ZNF578: variants seen among roughly 807,000 people sequenced by gnomAD.
ZNF578 encodes the protein zinc finger protein 578, also known as Putative chemokine-related protein B42.
ZNF578 carries 8 observed loss-of-function variants against 8.3 expected under a neutral mutation model. The observed-to-expected ratio is 0.96, with a 90% CI of 0.56 to 1.74. The LOEUF (loss-of-function observed/expected upper bound fraction) is 1.74. Among genes scored for constraint, ZNF578 ranks in the 40% most tolerant of loss-of-function variants. ZNF578 has a pLI of 0.00. For synonymous variants in ZNF578, 206 were observed against 232.2 expected (o/e 0.89, Z 1.03); for missense variants, 726 against 707.5 (o/e 1.03, Z -0.30).
intron 3 of ZNF578, among the ~76,000 whole-genome samples, chr19:52,494,473 G>C (rs1381802671): frequency 6.6e-6 from 1 of 152,212 alleles, no homozygotes; most frequent in Non-Finnish European, 1.5e-5. Flanking sequence ...CTCCAGCCTG[G>C]TCAAAAGAGC....
intron 3 of ZNF578, among the ~76,000 whole-genome samples, chr19:52,495,996 T>G (rs2059384652): frequency 6.6e-6 from 1 of 152,080 alleles, no homozygotes; most frequent in African/African-American, 2.4e-5. Context: ...TTCTAGTTCC[T>G]CCTCATTTAA....
At position 52,504,519 on chromosome 19, in the gene ZNF578, C is replaced by G. The variant is rs1228603401; in HGVS notation, c.64-136C>G. ...AATGCAACTATTGAGAAAAAAAATT[C>G]AAAAATACCTTAACGTGGTTTTGTC... is the stretch of plus-strand genomic sequence containing the variant. On this transcript the variant is annotated intron_variant, in intron 4 of 5. Transcript: ENST00000421239. 2.7e-5 allele frequency: 41 copies of G among 1,513,882 alleles called. No individual in the cohort carries two copies. In the Admixed American group the frequency reaches 4.3e-4, roughly 16 times the overall value. 93.8% of individuals were successfully genotyped at this position (1,513,882 alleles called of 1,614,324 possible).
intron 2 of ZNF578, chr19:52,474,664 C>A (rs2059302431): frequency 3.3e-6 from 1 of 304,360 alleles, no homozygotes; most frequent in African/African-American, 2.2e-5. Context: ...AGTATGAATT[C>A]TCTGATGATT....
intron 2 of ZNF578, among the ~76,000 whole-genome samples, chr19:52,460,719 C>A (rs941276719): frequency 1.1e-4 from 16 of 152,114 alleles, no homozygotes; most frequent in African/African-American, 3.9e-4. Context: ...TTTCCAAAAT[C>A]AGTGTCGTAA....
At chr19:52,454,040 C>T (rs1367198530) in intron 1 of ZNF578, 1 of 152,312 alleles carries the variant, frequency 6.6e-6, no homozygotes. Flanking sequence ...CACCCCCAAC[C>T]TTGTCCTCCT....
intron 2 of ZNF578, among the ~76,000 whole-genome samples, chr19:52,487,179 A>AT (rs1555754480): frequency 1.3e-5 from 2 of 151,958 alleles, no homozygotes; most frequent in African/African-American, 4.8e-5. Flanking sequence ...GCCAAAAAAA[A>AT]AATAATAATA....
rs890083526 is a variant in ZNF578, at chr19:52,460,863, T to G, written c.-122+3905T>G. ...AATTATATTAATAGTAGTGATATAG[T>G]TTTTGTTGGGGACCAGCCTCAACAC... is the stretch of plus-strand genomic sequence containing the variant. On this transcript the variant is annotated intron_variant, in intron 2 of 5. Coordinates refer to ENST00000421239, the MANE Select transcript of ZNF578 (RefSeq NM_001099694.2). Among the ~76,000 whole-genome samples, 8 of 152,146 alleles carry G rather than the reference T, an allele frequency of 5.3e-5. No homozygotes were observed. The East Asian group carries it at 1.5e-3, about 29-fold the overall frequency.
At chr19:52,487,923 G>T (rs1175203745) in intron 2 of ZNF578, among the ~76,000 whole-genome samples, 2 of 150,416 alleles carry the variant, frequency 1.3e-5, no homozygotes, top group African/African-American at 4.9e-5. Context: ...AGATTACAGG[G>T]ATGGCCCGTG....
At chr19:52,503,888 C>T (rs2059416183) in intron 4 of ZNF578, among the ~76,000 whole-genome samples, 1 of 151,276 alleles carries the variant, frequency 6.6e-6, no homozygotes, top group South Asian at 2.1e-4. Context: ...ACCTCCGCCT[C>T]CCGGATTCAA....
At chr19:52,485,875 A>C (rs947583053) in intron 2 of ZNF578, among the ~76,000 whole-genome samples, 11 of 152,178 alleles carry the variant, frequency 7.2e-5, no homozygotes, top group Admixed American at 2.0e-4. Flanking sequence ...GGTATTGTCC[A>C]AGGTTTCTCC....
chr19:52,453,931 C>G (rs866651709), intron 1 of ZNF578: 2 of 152,352 alleles, frequency 1.3e-5, no homozygotes, highest in Middle Eastern at 3.1e-3. Context: ...AAGCCTCGCC[C>G]TTCTGGCCTC....
intron 2 of ZNF578, among the ~76,000 whole-genome samples, chr19:52,485,820 C>G (rs2059343494): frequency 6.6e-6 from 1 of 152,128 alleles, no homozygotes; most frequent in African/African-American, 2.4e-5. Context: ...CCCGGGGACA[C>G]AAAACACTGT....
chr19:52,502,213 G>C (rs986229232), intron 4 of ZNF578, among the ~76,000 whole-genome samples: 4 of 152,124 alleles, frequency 2.6e-5, no homozygotes, highest in Non-Finnish European at 2.9e-5. Flanking sequence ...TGTCATTGCT[G>C]CTGGGCAGCC....
Position 52,458,932 on chromosome 19 carries a change from T to A in ZNF578, c.-122+1974T>A, listed in dbSNP as rs888828008. On this transcript the variant is annotated intron_variant, in intron 2 of 5. Transcript: ENST00000421239. ...GTTTGTCATAAGAGGTTCTTACATATTTGGAAAACCCCTCCATTTTGTTTT... is the reference window on the plus strand; with the variant it reads ...GTTTGTCATAAGAGGTTCTTACATAATTGGAAAACCCCTCCATTTTGTTTT... 15 of 152,354 alleles carry A rather than the reference T, an allele frequency of 9.8e-5. No individual in the cohort carries two copies. The East Asian group carries it at 2.1e-3, about 22-fold the overall frequency. The allele number at this position is 152,354 out of a possible 1,614,324, so 9.4% of individuals were successfully genotyped here.
intron 2 of ZNF578, among the ~76,000 whole-genome samples, chr19:52,476,382 G>A (rs966217779): frequency 2.0e-5 from 3 of 152,110 alleles, no homozygotes; most frequent in South Asian, 4.1e-4. Context: ...GCCATTGATC[G>A]ACCCATACAG....
chr19:52,475,266 G>T, intron 2 of ZNF578: 1 of 218,862 alleles, frequency 4.6e-6, no homozygotes, highest in Non-Finnish European at 9.8e-6. Flanking sequence ...TCTTGTGGGA[G>T]CAATGGAGAA....
chr19:52,476,354 G>C (rs1419196801), intron 2 of ZNF578, among the ~76,000 whole-genome samples: 1 of 152,150 alleles, frequency 6.6e-6, no homozygotes, highest in Admixed American at 6.5e-5. Flanking sequence ...AGTTGAGTTT[G>C]TTTCTCCTGT....
chr19:52,484,235 C>T (rs2059336996), intron 2 of ZNF578, among the ~76,000 whole-genome samples: 1 of 152,244 alleles, frequency 6.6e-6, no homozygotes, highest in South Asian at 2.1e-4. Context: ...ACCTCCAGCC[C>T]TAAGGCGGTT....
chr19:52,469,021 G>A (rs181276847), intron 2 of ZNF578, among the ~76,000 whole-genome samples: 7 of 152,210 alleles, frequency 4.6e-5, no homozygotes, highest in East Asian at 1.9e-4. Flanking sequence ...CTTGCATACA[G>A]CCTATCATGG....
Sources: allele counts gnomAD v4.1 joint callset (sites outside exome capture counted in the v4.1 genomes callset), GRCh38; gene constraint gnomAD v4.1.1; transcripts MANE v1.5; gene names NCBI Gene and HGNC (gene_info 2026-07-23, HGNC 2026-07-21).